The following CEP112 variants were observed in gnomAD, a reference collection of about 807,000 sequenced individuals.
The protein encoded by CEP112 is centrosomal protein 112.
A neutral mutation model predicts 153.0 loss-of-function variants in CEP112; 127 were observed. That is an observed-to-expected ratio of 0.83 (90% CI 0.72 to 0.96). CEP112 has a LOEUF of 0.96. Among genes scored for constraint, CEP112 ranks in the 40% least tolerant of loss-of-function variants. The pLI, the probability that CEP112 is intolerant of heterozygous loss-of-function variation, is 0.00. For synonymous variants in CEP112, 358 were observed against 374.4 expected (o/e 0.96, Z 0.51); for missense variants, 1,089 against 1,101.2 (o/e 0.99, Z 0.16).
chr17:65,745,384 C>G (rs2051385123), intron 22 of CEP112, among the ~76,000 whole-genome samples: 1 of 152,126 alleles, frequency 6.6e-6, no homozygotes, highest in Admixed American at 6.5e-5. Context: ...TCAATTAATT[C>G]TCATAGCACT....
At position 66,150,060 on chromosome 17, in the gene CEP112, ATT is replaced by A. The variant is rs772359218; in HGVS notation, c.471-17299_471-17298del. ...GGGCGCATGCTATCATGCCCAGCTA[ATT>A]TTTTTTTTTTTTTTTTTTAAGTAGA... On this transcript the variant is annotated intron_variant, in intron 4 of 26. Transcript: ENST00000535342. Among the ~76,000 whole-genome samples the A allele has an allele frequency of 6.2e-4, 76 of 123,006 alleles. No individual in the cohort carries two copies. The South Asian group carries it at 9.9e-3, about 16-fold the overall frequency. 80.7% of individuals were successfully genotyped at this position (123,006 alleles called of 152,430 possible).
chr17:66,142,431 A>G (rs972690274), intron 4 of CEP112, among the ~76,000 whole-genome samples: 1 of 152,162 alleles, frequency 6.6e-6, no homozygotes, highest in Non-Finnish European at 1.5e-5. Context: ...TGCCTAGACC[A>G]ATGTCAAGAA....
At chr17:65,747,289 C>T (rs551054773) in intron 22 of CEP112, among the ~76,000 whole-genome samples, 4 of 148,036 alleles carry the variant, frequency 2.7e-5, no homozygotes, top group Non-Finnish European at 4.4e-5. Context: ...TGGGTTGGCC[C>T]CCAGGAGGCT....
chr17:66,073,834 C>A (rs1443271), intron 8 of CEP112, among the ~76,000 whole-genome samples: 6,657 of 151,936 alleles, frequency 0.044, 174 homozygotes, highest in South Asian at 0.066. Context: ...ACAACAACAA[C>A]AAAAAAATTC....
chr17:65,735,085 T>A (rs1729132841), intron 23 of CEP112, among the ~76,000 whole-genome samples: 1 of 152,188 alleles, frequency 6.6e-6, no homozygotes, highest in Non-Finnish European at 1.5e-5. Flanking sequence ...TCACTGATCT[T>A]ATCAGAAAAG....
chr17:66,154,153 T>C (rs765758037), intron 4 of CEP112, among the ~76,000 whole-genome samples: 4 of 151,298 alleles, frequency 2.6e-5, no homozygotes, highest in Non-Finnish European at 5.9e-5. Context: ...CACTCCAGCC[T>C]AGCAACAGAG....
intron 11 of CEP112, among the ~76,000 whole-genome samples, chr17:66,061,067 A>G (rs1598265872): frequency 6.6e-6 from 1 of 152,164 alleles, no homozygotes; most frequent in East Asian, 1.9e-4. Context: ...TCAATAGCAA[A>G]AAAACAAATA....
intron 18 of CEP112, among the ~76,000 whole-genome samples, chr17:65,956,821 A>G (rs1330738639): frequency 2.0e-5 from 3 of 152,130 alleles, no homozygotes; most frequent in African/African-American, 7.2e-5. Flanking sequence ...AAAAATAAAA[A>G]TGTTAAACTT....
chr17:66,143,878 G>C (rs1457295014), intron 4 of CEP112, among the ~76,000 whole-genome samples: 1 of 152,184 alleles, frequency 6.6e-6, no homozygotes, highest in African/African-American at 2.4e-5. Context: ...CAAATGCCTG[G>C]CTAGATTTCA....
chr17:66,009,431 T>C (rs2064418659), intron 16 of CEP112, among the ~76,000 whole-genome samples: 1 of 152,210 alleles, frequency 6.6e-6, no homozygotes, highest in Admixed American at 6.5e-5. Context: ...TTGTTTTAGT[T>C]CCTTATATAT....
At chr17:65,659,365 T>C (rs193014382) in intron 24 of CEP112, among the ~76,000 whole-genome samples, 45 of 152,318 alleles carry the variant, frequency 3.0e-4, no homozygotes, top group Non-Finnish European at 3.2e-4. Flanking sequence ...TTGACAATTA[T>C]AAATAATCTA....
intron 11 of CEP112, among the ~76,000 whole-genome samples, chr17:66,056,692 TAA>T (rs1217911908): frequency 1.3e-5 from 2 of 152,162 alleles, no homozygotes; most frequent in Admixed American, 1.3e-4. Flanking sequence ...GGCAAATCTA[TAA>T]AGACAAACAG....
intron 21 of CEP112, among the ~76,000 whole-genome samples, chr17:65,801,179 T>C (rs1319483354): frequency 6.6e-6 from 1 of 152,092 alleles, no homozygotes; most frequent in Non-Finnish European, 1.5e-5. Flanking sequence ...CAACTTCAGC[T>C]TCCTGAGTGG....
At chr17:65,973,724 A>C (rs1464767112) in intron 17 of CEP112, among the ~76,000 whole-genome samples, 1 of 152,106 alleles carries the variant, frequency 6.6e-6, no homozygotes, top group Non-Finnish European at 1.5e-5. Context: ...GGATATGGGG[A>C]GGTGGAAAGG....
At chr17:65,704,580 C>T (rs115679738) in intron 23 of CEP112, among the ~76,000 whole-genome samples, 14 of 152,174 alleles carry the variant, frequency 9.2e-5, no homozygotes, top group Non-Finnish European at 1.8e-4. Flanking sequence ...ATTGATCTAT[C>T]GGTATTTTCT....
chr17:66,107,325 T>TGCAAATTGGAAAGGAAGAAG (rs1261628118), intron 6 of CEP112, among the ~76,000 whole-genome samples: 1 of 152,108 alleles, frequency 6.6e-6, no homozygotes, highest in African/African-American at 2.4e-5. Flanking sequence ...ATACAGGGCA[T>TGCAAATTGGAAAGGAAGAAG]GCAAATTGGA....
intron 24 of CEP112, among the ~76,000 whole-genome samples, chr17:65,672,588 G>T (rs967057106): frequency 2.0e-5 from 3 of 152,156 alleles, no homozygotes; most frequent in Non-Finnish European, 4.4e-5. Context: ...TTCATAAGGT[G>T]AGTACCACTA....
intron 23 of CEP112, among the ~76,000 whole-genome samples, chr17:65,695,883 T>C (rs1300932849): frequency 6.6e-6 from 1 of 152,186 alleles, no homozygotes; most frequent in Non-Finnish European, 1.5e-5. Context: ...AGCGTATAAA[T>C]TGGTCTTCAG....
chr17:65,738,864 A>C (rs1403801766), intron 23 of CEP112, among the ~76,000 whole-genome samples: 1 of 152,188 alleles, frequency 6.6e-6, no homozygotes, highest in Non-Finnish European at 1.5e-5. Flanking sequence ...CTACTGTGGT[A>C]GATTTAAAAT....
Sources: allele counts gnomAD v4.1 joint callset (sites outside exome capture counted in the v4.1 genomes callset), GRCh38; gene constraint gnomAD v4.1.1; transcripts MANE v1.5; gene names NCBI Gene and HGNC (gene_info 2026-07-23, HGNC 2026-07-21).